RAD51B: variants seen among roughly 807,000 people sequenced by gnomAD.
RAD51B encodes the protein RAD51 paralog B, also known as DNA repair protein RAD51 homolog 2.
A neutral mutation model predicts 42.2 loss-of-function variants in RAD51B; 38 were observed. The observed-to-expected ratio is 0.90, with a 90% CI of 0.70 to 1.18. RAD51B has a LOEUF of 1.18. RAD51B is among the 50% of genes most tolerant of loss of function. The pLI is 0.00. For missense variants in RAD51B, 373 were observed against 400.7 expected (o/e 0.93, Z 0.59); for synonymous variants, 154 against 145.2 (o/e 1.06, Z -0.43).
chr14:68,030,428 C>T (rs891942533), intron 7 of RAD51B, among the ~76,000 whole-genome samples: 2 of 152,178 alleles, frequency 1.3e-5, no homozygotes, highest in Non-Finnish European at 2.9e-5. Context: ...TCACCTTGCA[C>T]TTCTATAATA....
chr14:68,190,049 AT>A (rs2079233216), intron 7 of RAD51B, among the ~76,000 whole-genome samples: 1 of 152,208 alleles, frequency 6.6e-6, no homozygotes, highest in African/African-American at 2.4e-5. Flanking sequence ...TTTCAAATTA[AT>A]TTCAAAATAA....
intron 9 of RAD51B, among the ~76,000 whole-genome samples, chr14:68,467,687 G>A (rs1340100602): frequency 1.3e-5 from 2 of 152,262 alleles, no homozygotes; most frequent in African/African-American, 4.8e-5. Flanking sequence ...ATGTAGTCAC[G>A]TAGTAGAGGG....
At chr14:68,169,627 A>T (rs754369370) in intron 7 of RAD51B, among the ~76,000 whole-genome samples, 31 of 152,224 alleles carry the variant, frequency 2.0e-4, no homozygotes, top group Middle Eastern at 3.4e-3. Context: ...CTCTGTGTAG[A>T]TGTTGCTGAG....
At chr14:68,003,084 C>T (rs949703898) in intron 7 of RAD51B, among the ~76,000 whole-genome samples, 3 of 152,054 alleles carry the variant, frequency 2.0e-5, no homozygotes, top group African/African-American at 4.8e-5. Context: ...GGTAGTTTAA[C>T]GGGAACAGCA....
intron 9 of RAD51B, among the ~76,000 whole-genome samples, chr14:68,419,150 T>C (rs1312348817): frequency 6.6e-6 from 1 of 152,228 alleles, no homozygotes; most frequent in African/African-American, 2.4e-5. Flanking sequence ...AGTTTCATAC[T>C]CCATTCTAGC....
intron 9 of RAD51B, among the ~76,000 whole-genome samples, chr14:68,431,581 TG>T (rs917590643): frequency 6.6e-6 from 1 of 152,226 alleles, no homozygotes; most frequent in Non-Finnish European, 1.5e-5. Flanking sequence ...TGTATTTCTG[TG>T]GGATCAGTGG....
In RAD51B at chr14:68,641,054, A is replaced by G. The variant is rs538253432; in HGVS notation, c.1037-9727A>G. Among the ~76,000 whole-genome samples the G allele has an allele frequency of 4.6e-5, 7 of 152,342 alleles. No individual in the cohort carries two copies. The East Asian group carries it at 9.6e-4, about 21-fold the overall frequency. ...TTTAAGCAAGAGACTGATTATGGTC[A>G]TATTTGAACTCATCTTTTAATGAGT... On this transcript the variant is annotated intron_variant, in intron 10 of 11. Transcript: ENST00000488612.
At chr14:68,138,937 T>C (rs781060743) in intron 7 of RAD51B, among the ~76,000 whole-genome samples, 9 of 152,192 alleles carry the variant, frequency 5.9e-5, no homozygotes, top group Non-Finnish European at 1.2e-4. Context: ...TTGGGAAAAG[T>C]AGCCATCTTT....
intron 7 of RAD51B, among the ~76,000 whole-genome samples, chr14:68,098,797 G>A (rs2077240521): frequency 6.6e-6 from 1 of 152,192 alleles, no homozygotes; most frequent in Non-Finnish European, 1.5e-5. Context: ...AGAGGGATAA[G>A]GAAATTCTAG....
chr14:68,348,783 C>G (rs1273603367), intron 8 of RAD51B, among the ~76,000 whole-genome samples: 1 of 152,252 alleles, frequency 6.6e-6, no homozygotes, highest in South Asian at 2.1e-4. Context: ...CCTGTAGTCC[C>G]AGCTGCTCAG....
chr14:68,317,814 G>A lies in RAD51B; in HGVS notation c.853+25834G>A, dbSNP rs556570601. Among the ~76,000 whole-genome samples the A allele has an allele frequency of 4.1e-4, 63 of 152,348 alleles. 1 individual carries two copies. In the South Asian group the frequency reaches 0.012, roughly 28 times the overall value. ...ATGGGTAAAAGTGGGAAACAGTCCA[G>A]AAGAAAGATGTGAGCAAAGGCTCAG... On this transcript the variant is annotated intron_variant, in intron 8 of 10. Transcript: ENST00000471583.
chr14:67,995,906 C>T (rs1029521033), intron 7 of RAD51B, among the ~76,000 whole-genome samples: 5 of 152,138 alleles, frequency 3.3e-5, no homozygotes, highest in African/African-American at 7.2e-5. Flanking sequence ...CATGAGCCAC[C>T]GCGCCCGGCC....
chr14:68,397,555 G>C (rs866351114), intron 8 of RAD51B, among the ~76,000 whole-genome samples: 1 of 152,210 alleles, frequency 6.6e-6, no homozygotes, highest in Admixed American at 6.5e-5. Context: ...ACTGCACACT[G>C]TTTGGACCTT....
chr14:68,020,430 T>C (rs1240485687), intron 7 of RAD51B, among the ~76,000 whole-genome samples: 1 of 152,168 alleles, frequency 6.6e-6, no homozygotes, highest in Non-Finnish European at 1.5e-5. Flanking sequence ...TTTAATGTTT[T>C]AACTCTCAGC....
At chr14:67,836,522 G>T (rs1322669652) in intron 4 of RAD51B, among the ~76,000 whole-genome samples, 6 of 143,806 alleles carry the variant, frequency 4.2e-5, no homozygotes, top group Non-Finnish European at 9.0e-5. Flanking sequence ...GTCTTGCTCT[G>T]TTGCCCAGGC....
intron 7 of RAD51B, among the ~76,000 whole-genome samples, chr14:68,237,393 T>C (rs2080282400): frequency 1.3e-5 from 2 of 152,220 alleles, no homozygotes; most frequent in African/African-American, 4.8e-5. Flanking sequence ...CTTAGGAGCC[T>C]TAGTTTCAAA....
intron 7 of RAD51B, among the ~76,000 whole-genome samples, chr14:67,910,187 G>A (rs938668964): frequency 3.3e-5 from 5 of 151,962 alleles, no homozygotes; most frequent in African/African-American, 4.8e-5. Flanking sequence ...CTGCGTATAC[G>A]AATATAGCCA....
chr14:68,062,373 T>C (rs1237904992), intron 7 of RAD51B, among the ~76,000 whole-genome samples: 1 of 152,198 alleles, frequency 6.6e-6, no homozygotes, highest in Non-Finnish European at 1.5e-5. Context: ...GTTGTGTCCT[T>C]GTCTGGTTTT....
At chr14:68,356,889 A>G (rs373003602) in intron 8 of RAD51B, among the ~76,000 whole-genome samples, 42 of 148,612 alleles carry the variant, frequency 2.8e-4, no homozygotes, top group South Asian at 8.8e-4. Flanking sequence ...AGGCTGAGGC[A>G]GGAGAATGGC....
Sources: allele counts gnomAD v4.1 joint callset (sites outside exome capture counted in the v4.1 genomes callset), GRCh38; gene constraint gnomAD v4.1.1; transcripts MANE v1.5; gene names NCBI Gene and HGNC (gene_info 2026-07-23, HGNC 2026-07-21).